STK32B: variants seen among roughly 807,000 people sequenced by gnomAD.
STK32B encodes serine/threonine-protein kinase 32B.
A neutral mutation model predicts 52.6 loss-of-function variants in STK32B; 43 were observed. The observed-to-expected ratio is 0.82, with a 90% CI of 0.64 to 1.05. The LOEUF (loss-of-function observed/expected upper bound fraction) is 1.05, where lower values mean the gene tolerates loss of function less well. Ranked by LOEUF, STK32B falls within the 50% of genes least tolerant of loss-of-function variation. STK32B has a pLI of 0.00. For missense variants in STK32B, 621 were observed against 534.6 expected, an observed-to-expected ratio of 1.16 and a Z score of -1.59; for synonymous variants, 238 against 204.3, an observed-to-expected ratio of 1.17 and a Z score of -1.41.
intron 4 of STK32B, among the ~76,000 whole-genome samples, chr4:5,346,563 T>TA (rs1413240826): frequency 3.9e-5 from 6 of 152,164 alleles, no homozygotes; most frequent in African/African-American, 1.2e-4. Context: ...GGTCACCCTG[T>TA]GTGTAGACAG....
chr4:5,289,469 G>T (rs1257877001), intron 3 of STK32B, among the ~76,000 whole-genome samples: 1 of 152,000 alleles, frequency 6.6e-6, no homozygotes, highest in Non-Finnish European at 1.5e-5. Flanking sequence ...TTGAGACGGA[G>T]TCTCGCTGTC....
At position 5,317,536 on chromosome 4, in the gene STK32B, C is replaced by CATATATATAT. The variant is rs201529318; in HGVS notation, c.261-13682_261-13681insATATATATAT. ...TAATATATTTATTATATATATATTA[C>CATATATATAT]ATGTATATATATATATATATATAAC... On this transcript the variant is annotated intron_variant, in intron 3 of 11. Coordinates refer to ENST00000282908, the MANE Select transcript of STK32B (RefSeq NM_018401.3). Among the ~76,000 whole-genome samples the CATATATATAT allele has an allele frequency of 2.1e-3, 195 of 93,508 alleles. 18 individuals carry two copies. The highest frequency in any genetic ancestry group is 0.013 in the African/African-American group (186 of 14,800). The allele number at this position is 93,508 out of a possible 152,430, so 61.3% of individuals were successfully genotyped here. A position where few individuals can be genotyped will look rare whatever the true frequency, so the allele number is the denominator to read the frequency against.
chr4:5,379,801 G>A (rs1261544037), intron 4 of STK32B, among the ~76,000 whole-genome samples: 2 of 152,180 alleles, frequency 1.3e-5, no homozygotes, highest in Admixed American at 1.3e-4. Flanking sequence ...TGGACTTTTG[G>A]ACTCTAGAAT....
chr4:5,119,339 G>A (rs1024243128), intron 1 of STK32B, among the ~76,000 whole-genome samples: 1 of 152,228 alleles, frequency 6.6e-6, no homozygotes, highest in African/African-American at 2.4e-5. Flanking sequence ...AGGACTCAAG[G>A]AAGGAACTAG....
chr4:5,353,699 AC>A (rs1560345542), intron 4 of STK32B, among the ~76,000 whole-genome samples: 1 of 152,224 alleles, frequency 6.6e-6, no homozygotes, highest in East Asian at 1.9e-4. Context: ...ATATTATCTT[AC>A]CCCAGTTAGA....
At chr4:5,432,377 A>G (rs571669938) in intron 6 of STK32B, 1 of 152,326 alleles carries the variant, frequency 6.6e-6, no homozygotes, top group South Asian at 2.1e-4. Flanking sequence ...ACATGTAACT[A>G]TTAATTAAAA....
At position 5,371,202 on chromosome 4, in the gene STK32B, G is replaced by A. The variant is rs780545799; in HGVS notation, c.435-27005G>A. ...CAGCTGGGATTACAGCCAATGAGCA[G>A]AAGGAGGGATCAGTAGATGGAAAAT... On this transcript the variant is annotated intron_variant, in intron 4 of 11. Coordinates refer to ENST00000282908, the MANE Select transcript of STK32B (RefSeq NM_018401.3). Among the ~76,000 whole-genome samples, 170 of 152,192 alleles carry A rather than the reference G, an allele frequency of 1.1e-3. 2 individuals carry two copies. The highest frequency in any genetic ancestry group is 3.1e-4 in the Non-Finnish European group (21 of 68,026).
intron 4 of STK32B, among the ~76,000 whole-genome samples, chr4:5,355,182 A>G (rs757095572): frequency 1.3e-5 from 2 of 152,218 alleles, no homozygotes; most frequent in Non-Finnish European, 2.9e-5. Context: ...GAGAAAACAA[A>G]CTGAAATAAC....
At position 5,398,136 on chromosome 4, in the gene STK32B, G is replaced by A. The variant is rs1371852145; in HGVS notation, c.435-71G>A. 1.9e-6 allele frequency: 3 copies of A among 1,573,176 alleles called. No individual in the cohort carries two copies. The highest frequency in any genetic ancestry group is 2.7e-5 in the African/African-American group (2 of 74,146). ...TGGGTGTTCCAGCATTTGTCCTGAT[G>A]TGGTGCTTGTCTATGTGCTCATCTG... On this transcript the variant is annotated intron_variant, in intron 4 of 11. Coordinates refer to ENST00000282908, the MANE Select transcript of STK32B (RefSeq NM_018401.3). This position sits in a 1 kb window ranked among gnomAD's most constrained non-coding sequence, Gnocchi z 4.9.
chr4:5,021,557 T>G, the STK32B span, among the ~76,000 whole-genome samples: 1 of 152,144 alleles, frequency 6.6e-6, no homozygotes, highest in African/African-American at 2.4e-5. Flanking sequence ...AGGAATGGGC[T>G]TAAATTCAGA....
chr4:5,407,759 T>C (rs1243623638), intron 5 of STK32B, among the ~76,000 whole-genome samples: 1 of 152,014 alleles, frequency 6.6e-6, no homozygotes, highest in Non-Finnish European at 1.5e-5. Flanking sequence ...CATAATCCAA[T>C]CACCTCCCAC....
At chr4:5,407,086 T>C (rs1042891531) in intron 5 of STK32B, among the ~76,000 whole-genome samples, 1 of 152,140 alleles carries the variant, frequency 6.6e-6, no homozygotes, top group African/African-American at 2.4e-5. Context: ...CCAAGCCACA[T>C]CTTGAACATT....
chr4:5,090,702 G>C (rs1713031782), intron 1 of STK32B, among the ~76,000 whole-genome samples: 1 of 152,072 alleles, frequency 6.6e-6, no homozygotes. Context: ...AAGGTGTAAG[G>C]AAGGGGTCCA....
At chr4:5,292,230 A>G (rs1002370030) in intron 3 of STK32B, among the ~76,000 whole-genome samples, 1 of 152,124 alleles carries the variant, frequency 6.6e-6, no homozygotes, top group Non-Finnish European at 1.5e-5. Flanking sequence ...ATTGCTTTCT[A>G]TGGGAACTGA....
intron 11 of STK32B, among the ~76,000 whole-genome samples, chr4:5,488,839 A>G (rs1378447630): frequency 6.6e-6 from 1 of 152,086 alleles, no homozygotes; most frequent in African/African-American, 2.4e-5. Context: ...TGCTAGATTT[A>G]TATTTTAAAA....
chr4:5,172,556 A>G (rs1178293225), intron 3 of STK32B, among the ~76,000 whole-genome samples: 2 of 152,162 alleles, frequency 1.3e-5, no homozygotes, highest in African/African-American at 4.8e-5. Context: ...TTCTGCATCT[A>G]TTGAGATAAC....
At chr4:5,100,441 C>T (rs190522984) in intron 1 of STK32B, among the ~76,000 whole-genome samples, 28 of 141,806 alleles carry the variant, frequency 2.0e-4, no homozygotes, top group African/African-American at 7.3e-4. Context: ...CTCCTTCCTC[C>T]TTTCTTCCTT....
the STK32B span, among the ~76,000 whole-genome samples, chr4:5,033,522 G>C: frequency 2.0e-5 from 3 of 152,252 alleles, no homozygotes; most frequent in Non-Finnish European, 4.4e-5. Flanking sequence ...GCCTCTTCTC[G>C]TTGCTGGCAC....
intron 3 of STK32B, among the ~76,000 whole-genome samples, chr4:5,292,767 CT>C (rs1041436410): frequency 1.3e-5 from 2 of 151,726 alleles, no homozygotes; most frequent in Non-Finnish European, 2.9e-5. Context: ...TGCTCTAGGA[CT>C]TTTTTTCTTT....
Sources: allele counts gnomAD v4.1 joint callset (sites outside exome capture counted in the v4.1 genomes callset), GRCh38; gene constraint gnomAD v4.1.1; non-coding constraint Gnocchi (gnomAD v3.1); transcripts MANE v1.5; gene names NCBI Gene and HGNC (gene_info 2026-07-23, HGNC 2026-07-21).